Variants in MCF2 observed in about 807,000 individuals in gnomAD.
The protein encoded by MCF2 is proto-oncogene DBL.
Under a neutral mutation model 82.5 loss-of-function variants are expected in MCF2, and 44 were observed. The observed-to-expected ratio is 0.53, with a 90% CI of 0.42 to 0.69. The LOEUF (loss-of-function observed/expected upper bound fraction) is 0.69, where lower values mean the gene tolerates loss of function less well. Among genes scored for constraint, MCF2 ranks in the 30% least tolerant of loss-of-function variants. The probability of loss-of-function intolerance (pLI) is 0.00; values close to 1 mark genes in which losing one functional copy is unlikely to be tolerated. For missense variants in MCF2, 623 were observed against 663.1 expected (o/e 0.94, Z 0.66); for synonymous variants, 217 against 224.9 (o/e 0.96, Z 0.32).
chrX:139,652,329 G>T (rs895325973), intron 1 of MCF2, among the ~76,000 whole-genome samples: 5 of 111,308 alleles, frequency 4.5e-5, no homozygotes, highest in Non-Finnish European at 9.4e-5. Flanking sequence ...GCATTTACTG[G>T]CCATGCAAAC....
intron 1 of MCF2, among the ~76,000 whole-genome samples, chrX:139,698,518 G>A (rs1935424949): frequency 1.8e-5 from 2 of 111,719 alleles, no homozygotes; most frequent in African/African-American, 3.2e-5. Flanking sequence ...ACATGAATTG[G>A]GACTGAAGAC....
chrX:139,665,200 A>C (rs933123537), intron 1 of MCF2, among the ~76,000 whole-genome samples: 7 of 111,254 alleles, frequency 6.3e-5, no homozygotes, highest in African/African-American at 2.3e-4. Flanking sequence ...CAGTAAAGTC[A>C]CATGTTCCCC....
At position 139,691,767 on chromosome X, in the gene MCF2, G is replaced by A. The variant is rs1369243105; in HGVS notation, c.-45+16339C>T. The A allele has an allele frequency of 8.5e-6, 4 of 473,354 alleles. No individual in the cohort carries two copies. The African/African-American group carries it at 9.9e-5, about 12-fold the overall frequency. 39.0% of individuals were successfully genotyped at this position (473,354 alleles called of 1,213,427 possible). A position where few individuals can be genotyped will look rare whatever the true frequency, so the allele number is the denominator to read the frequency against. ...GCGGGCGGGCGGGCGAGGTGGGGGGGTTGTATAGACTGGAAAATAAAGTGC... is the reference window on the plus strand; with the variant it reads ...GCGGGCGGGCGGGCGAGGTGGGGGGATTGTATAGACTGGAAAATAAAGTGC... On this transcript the variant is annotated intron_variant, in intron 1 of 27. Coordinates refer to the MCF2 transcript ENST00000414978.
chrX:139,608,889 A>G (rs1461913284), intron 11 of MCF2, among the ~76,000 whole-genome samples: 4 of 111,996 alleles, frequency 3.6e-5, no homozygotes, highest in Admixed American at 2.9e-4. Context: ...TCTTGAAACC[A>G]GAAGTTGTGG....
intron 12 of MCF2, 105 bp from the exon 17 acceptor site, chrX:139,605,884 G>A (rs1930964552): frequency 3.5e-6 from 2 of 565,434 alleles, no homozygotes; most frequent in African/African-American, 2.4e-5. Context: ...TAATGCATAG[G>A]AATTATCAAT....
chrX:139,650,960 A>G (rs1372127431), intron 2 of MCF2, among the ~76,000 whole-genome samples: 1 of 111,891 alleles, frequency 8.9e-6, no homozygotes, highest in African/African-American at 3.3e-5. Flanking sequence ...ATTCATTTAC[A>G]TCAGGTACCT....
intron 6 of MCF2, among the ~76,000 whole-genome samples, chrX:139,622,094 G>C (rs1195914776): frequency 8.9e-6 from 1 of 111,856 alleles, no homozygotes; most frequent in Non-Finnish European, 1.9e-5. Flanking sequence ...CTTCTCAAAA[G>C]AAGACATTTA....
chrX:139,667,541 G>A (rs2148547276), intron 1 of MCF2, among the ~76,000 whole-genome samples: 1 of 111,867 alleles, frequency 8.9e-6, no homozygotes, highest in Non-Finnish European at 1.9e-5. Flanking sequence ...CAGCCCCTAG[G>A]AGGAATGTTC....
chrX:139,671,777 G>A (rs1934702954), intron 1 of MCF2, among the ~76,000 whole-genome samples: 2 of 111,865 alleles, frequency 1.8e-5, no homozygotes, highest in Admixed American at 1.9e-4. Flanking sequence ...TTTTGGCTTA[G>A]GATTGTCTAG....
chrX:139,673,765 T>A (rs1054644664), intron 1 of MCF2, among the ~76,000 whole-genome samples: 1 of 111,938 alleles, frequency 8.9e-6, no homozygotes, highest in Admixed American at 9.5e-5. Flanking sequence ...ATAAATGTGA[T>A]GTGGTGCTGT....
chrX:139,596,475 A>G (rs920010954), intron 19 of MCF2, 74 bp downstream of exon 23: 14 of 833,640 alleles, frequency 1.7e-5, no homozygotes, highest in Non-Finnish European at 2.4e-5. Context: ...CTCATTTGAA[A>G]CAAAAAAAAT....
rs112606299 is a variant in MCF2 at position 139,676,970 on chromosome X, C to T, written c.-44-25182G>A. Reference sequence around the variant, plus strand: ...AGATAATAATTGGTCACAGCCAGTGCCAAGGAAAGGCCATCTCCCAATAAA... The same window carrying T: ...AGATAATAATTGGTCACAGCCAGTGTCAAGGAAAGGCCATCTCCCAATAAA... On this transcript the variant is annotated intron_variant, in intron 1 of 27. Transcript: ENST00000414978. Among the ~76,000 whole-genome samples the T allele has an allele frequency of 3.1e-3, 344 of 111,145 alleles. 2 individuals are homozygous for T. The highest frequency in any genetic ancestry group is 0.011 in the African/African-American group (334 of 30,554).
At chrX:139,624,197 GAGA>G (rs1422213013) in intron 6 of MCF2, among the ~76,000 whole-genome samples, 3 of 111,320 alleles carry the variant, frequency 2.7e-5, no homozygotes, top group African/African-American at 6.5e-5. Flanking sequence ...ATAGAATCAT[GAGA>G]AGATGTCCAA....
intron 9 of MCF2, among the ~76,000 whole-genome samples, chrX:139,615,775 T>G (rs1931850662): frequency 8.9e-6 from 1 of 112,172 alleles, no homozygotes; most frequent in Non-Finnish European, 1.9e-5. Context: ...AGTACTGAAC[T>G]AACCTATAGC....
At chrX:139,691,002 C>G (rs913656000) in intron 1 of MCF2, among the ~76,000 whole-genome samples, 1 of 111,598 alleles carries the variant, frequency 9.0e-6, no homozygotes, top group Non-Finnish European at 1.9e-5. Flanking sequence ...AACCCCAAAG[C>G]TGGGCAACTT....
chrX:139,668,429 C>G (rs1402103966), intron 1 of MCF2, among the ~76,000 whole-genome samples: 2 of 111,376 alleles, frequency 1.8e-5, no homozygotes, highest in Non-Finnish European at 3.8e-5. Flanking sequence ...CTCCTGGTAA[C>G]TCCTTATGTT....
rs747185764 is a variant in MCF2 at position 139,583,970 on chromosome X, C to A, written c.2745+1096G>T. Among the ~76,000 whole-genome samples, 3 of 110,558 alleles carry A rather than the reference C, an allele frequency of 2.7e-5. No individual in the cohort carries two copies. In the South Asian group the frequency reaches 1.2e-3, roughly 43 times the overall value. Reference sequence around the variant, plus strand: ...AAGCCCGCTCTTTTTCATACTAATACTGTGAATATTAATTGAGAAATCATT... The same window carrying A: ...AAGCCCGCTCTTTTTCATACTAATAATGTGAATATTAATTGAGAAATCATT... On this transcript the variant is annotated intron_variant, in intron 24 of 24. Transcript: ENST00000370576.
At chrX:139,678,349 T>C (rs1175503401) in intron 1 of MCF2, among the ~76,000 whole-genome samples, 1 of 111,535 alleles carries the variant, frequency 9.0e-6, no homozygotes, top group African/African-American at 3.3e-5. Context: ...ATTCAAATCT[T>C]ACACTGTTGG....
chrX:139,623,402 A>G (rs1569364498), intron 6 of MCF2, among the ~76,000 whole-genome samples: 1 of 112,077 alleles, frequency 8.9e-6, no homozygotes. Flanking sequence ...CAGCCATAAA[A>G]AAAACAAAAT....
Sources: allele counts gnomAD v4.1 joint callset (sites outside exome capture counted in the v4.1 genomes callset), GRCh38; gene constraint gnomAD v4.1.1; transcripts MANE v1.5; gene names NCBI Gene and HGNC (gene_info 2026-07-23, HGNC 2026-07-21).